The following LAMA3 variants were observed in gnomAD, a reference collection of about 807,000 sequenced individuals.
The protein encoded by LAMA3 is laminin subunit alpha 3, also known as laminin subunit alpha-3.
In LAMA3, 281 loss-of-function variants were observed where a neutral mutation model predicts 402.0. The ratio of observed to expected loss-of-function variants is 0.70; its 90% confidence interval spans 0.63 to 0.77. LAMA3 has a LOEUF of 0.77. LAMA3 is among the 30% of genes least tolerant of loss of function. LAMA3 has a pLI of 0.00. For synonymous variants in LAMA3, 1,431 were observed against 1,558.4 expected (o/e 0.92, Z 1.93); for missense variants, 3,840 against 4,215.5 (o/e 0.91, Z 2.47).
intron 60 of LAMA3, among the ~76,000 whole-genome samples, chr18:23,916,902 G>T (rs2081647534): frequency 6.6e-6 from 1 of 151,100 alleles, no homozygotes; most frequent in South Asian, 2.1e-4. Flanking sequence ...TTTCAGGGGT[G>T]CAGGTGCAGG....
intron 27 of LAMA3, 85 bp downstream of exon 27, chr18:23,840,014 A>G: frequency 3.5e-6 from 5 of 1,445,026 alleles, no homozygotes; most frequent in Non-Finnish European, 3.9e-6. Flanking sequence ...CTTGTCAGCA[A>G]TGCAGATTCA....
In LAMA3 at chr18:23,833,999, C is replaced by T. The variant is rs1412315224; in HGVS notation, c.2984+11C>T. 1.2e-6 allele frequency: 2 copies of T among 1,613,978 alleles called. No homozygotes were observed. The highest frequency in any genetic ancestry group is 1.3e-5 in the African/African-American group (1 of 74,918). ...CAGCTGCAACTACAGGTACTCAGCC[C>T]CACCAAGGGAATTCCTCTGTAAAGG... is the stretch of plus-strand genomic sequence containing the variant. On this transcript the variant is annotated intron_variant, in intron 24 of 74. Coordinates refer to ENST00000313654, the MANE Select transcript of LAMA3 (RefSeq NM_198129.4).
chr18:23,884,901 G>A (rs747413643), intron 41 of LAMA3, 48 bp downstream of exon 41: 5 of 1,459,284 alleles, frequency 3.4e-6, no homozygotes, highest in Non-Finnish European at 4.7e-6. Context: ...GGGCGGGGAG[G>A]GCTGTGGGTG....
intron 8 of LAMA3, among the ~76,000 whole-genome samples, chr18:23,763,903 A>G (rs2062025414): frequency 6.6e-6 from 1 of 152,192 alleles, no homozygotes; most frequent in Non-Finnish European, 1.5e-5. Context: ...TTCTGAGTCT[A>G]GACTCAGTGA....
intron 12 of LAMA3, among the ~76,000 whole-genome samples, chr18:23,806,468 G>T (rs2062964497): frequency 6.6e-6 from 1 of 152,096 alleles, no homozygotes; most frequent in Non-Finnish European, 1.5e-5. Context: ...AATCAGTGGG[G>T]TCTTCCATGA....
chr18:23,827,475 A>G lies in LAMA3; in HGVS notation c.2823+8A>G. 3 of 1,613,862 alleles carry G rather than the reference A, an allele frequency of 1.9e-6. No homozygotes were observed. The highest frequency in any genetic ancestry group is 1.7e-4 in the Middle Eastern group (1 of 5,876). On this transcript the variant is annotated splice_region_variant and intron_variant, in intron 23 of 74. Transcript: ENST00000313654. ...GACCTCAGCGGGAGAGAGGTGGGCC[A>G]GCCTTTTATTTATTATCAAAGTTAT...
Position 23,813,121 on chromosome 18 carries a change from G to A in LAMA3, c.1788+18G>A, listed in dbSNP as rs1247739937. The A allele has an allele frequency of 6.4e-7, 1 of 1,565,844 alleles. No individual in the cohort carries two copies. The highest frequency in any genetic ancestry group is 8.8e-7 in the Non-Finnish European group (1 of 1,136,120). Reference sequence around the variant, plus strand: ...CCAATTTGGTAAGTAGACTATAAAAGGGTTGCAATTCTAACTATCTCTATT... The same window carrying A: ...CCAATTTGGTAAGTAGACTATAAAAAGGTTGCAATTCTAACTATCTCTATT... On this transcript the variant is annotated intron_variant, in intron 14 of 74. Coordinates refer to ENST00000313654, the MANE Select transcript of LAMA3 (RefSeq NM_198129.4).
chr18:23,876,059 T>C (rs907536866), intron 38 of LAMA3, among the ~76,000 whole-genome samples: 2 of 152,218 alleles, frequency 1.3e-5, no homozygotes, highest in Non-Finnish European at 2.9e-5. Flanking sequence ...ATGCCTGTGG[T>C]TCCAGCTACG....
At chr18:23,867,231 T>TAG (rs1357203340) in intron 36 of LAMA3, among the ~76,000 whole-genome samples, 4 of 151,880 alleles carry the variant, frequency 2.6e-5, no homozygotes, top group Non-Finnish European at 5.9e-5. Context: ...AAAACAGCAC[T>TAG]TCCTGCATTG....
chr18:23,707,974 G>A (rs1418132455), intron 1 of LAMA3, among the ~76,000 whole-genome samples: 1 of 152,106 alleles, frequency 6.6e-6, no homozygotes, highest in Admixed American at 6.5e-5. Flanking sequence ...TGTATCTTTG[G>A]TTAAGAAACC....
chr18:23,859,193 A>T (rs2064157043), intron 34 of LAMA3, among the ~76,000 whole-genome samples: 1 of 152,180 alleles, frequency 6.6e-6, no homozygotes, highest in Non-Finnish European at 1.5e-5. Flanking sequence ...TGCCCAATAA[A>T]TCTCATTAAA....
chr18:23,953,325 GT>G lies in LAMA3; in HGVS notation c.9856+228del, dbSNP rs60412950. Among the ~76,000 whole-genome samples the G allele has an allele frequency of 0.91, 121,937 of 133,940 alleles. 55,421 individuals are homozygous for G. The highest frequency in any genetic ancestry group is 0.98 in the East Asian group (4,494 of 4,568). The allele number at this position is 133,940 out of a possible 152,430, so 87.9% of individuals were successfully genotyped here. A position where few individuals can be genotyped will look rare whatever the true frequency, so the allele number is the denominator to read the frequency against. On this transcript the variant is annotated intron_variant, in intron 74 of 74. Transcript: ENST00000313654. ...CCCCTTGCCCCAAGCCTGTAATTTT[GT>G]TTTTTTTTTTTGTTTTTTTTTTTGT... is the stretch of plus-strand genomic sequence containing the variant.
At chr18:23,859,670 C>A (rs1263858387) in intron 34 of LAMA3, among the ~76,000 whole-genome samples, 2 of 152,170 alleles carry the variant, frequency 1.3e-5, no homozygotes, top group African/African-American at 4.8e-5. Flanking sequence ...TAGGGCGCAC[C>A]ATCCTCCTGG....
intron 20 of LAMA3, among the ~76,000 whole-genome samples, chr18:23,822,792 G>A (rs1354334704): frequency 2.0e-5 from 3 of 152,186 alleles, no homozygotes; most frequent in Non-Finnish European, 4.4e-5. Flanking sequence ...AATGGGTGAG[G>A]ATGGGAATTT....
intron 12 of LAMA3, among the ~76,000 whole-genome samples, chr18:23,802,687 T>C (rs2062887667): frequency 6.6e-6 from 1 of 152,198 alleles, no homozygotes; most frequent in African/African-American, 2.4e-5. Context: ...CTAAGACCTC[T>C]CGACCACCAG....
chr18:23,847,622 A>C lies in LAMA3; in HGVS notation c.4090A>C (p.Ile1364Leu). The stretch of plus-strand genomic sequence containing the variant: ...CTGCAACTGTTCCAGGAGGGGCACC[A>C]TCGAGGCTGCCATGCCGGAGTGTGA... ...EGCNCSRRGT[I>L]EAAMPECDRD... Residue 1364 changes from isoleucine to leucine, a missense_variant, in exon 32 of 75, where the codon ATC (isoleucine) becomes CTC (leucine). By Grantham distance (5) the Ile-to-Leu change is conservative. Coordinates refer to ENST00000313654, the MANE Select transcript of LAMA3 (RefSeq NM_198129.4). 6.2e-7 allele frequency: 1 copy of C among 1,614,022 alleles called. No individual in the cohort carries two copies. Among genetic ancestry groups the C allele is most frequent in the Non-Finnish European group, 8.5e-7 (1 of 1,180,020 alleles).
chr18:23,940,695 T>C lies in LAMA3; in HGVS notation c.9026+1309T>C, dbSNP rs143094009. The stretch of plus-strand genomic sequence containing the variant: ...GAGAGAGGTAAAGGTCAGAGAGAGA[T>C]TGACTGCCAAGCTCTGAAGGAGAAA... On this transcript the variant is annotated intron_variant, in intron 68 of 74. Transcript: ENST00000313654. Among the ~76,000 whole-genome samples the C allele has an allele frequency of 7.9e-5, 12 of 152,224 alleles. No homozygotes were observed. The East Asian group carries it at 2.3e-3, about 29-fold the overall frequency.
Position 23,903,098 on chromosome 18 carries a change from G to A in LAMA3, c.6291G>A (p.Ala2097=), listed in dbSNP as rs569425764. 7 of 1,610,244 alleles carry A rather than the reference G, an allele frequency of 4.3e-6. No homozygotes were observed. Among genetic ancestry groups the A allele is most frequent in the South Asian group, 2.2e-5 (2 of 91,008 alleles). The part of the protein sequence containing the change: ...ADSSLLQTNI[A]LQLMEKSQKE... ...CATCTTTGTTGCAAACCAACATTGCGCTGCAGCTGATGGAGAAAAGCCAGA... is the reference window on the plus strand; with the variant it reads ...CATCTTTGTTGCAAACCAACATTGCACTGCAGCTGATGGAGAAAAGCCAGA... Residue 2097 remains alanine (A), a synonymous_variant, in exon 49 of 75, where the codon GCG becomes GCA. Transcript: ENST00000313654.
intron 36 of LAMA3, among the ~76,000 whole-genome samples, chr18:23,866,382 C>T (rs993411123): frequency 1.3e-5 from 2 of 152,238 alleles, no homozygotes; most frequent in African/African-American, 4.8e-5. Context: ...ACACACACCT[C>T]ATCACAGCAT....
Sources: gnomAD v4.1 joint callset for allele counts (sites outside exome capture counted in the v4.1 genomes callset) on GRCh38, gnomAD v4.1.1 for gene constraint, MANE v1.5 for transcripts, NCBI Gene and HGNC (gene_info 2026-07-23, HGNC 2026-07-21) for gene names.